Variants in RUBCN observed in about 807,000 individuals in gnomAD.
The protein encoded by RUBCN is rubicon autophagy regulator.
In RUBCN, 74 loss-of-function variants were observed where a neutral mutation model predicts 113.2. The ratio of observed to expected loss-of-function variants is 0.65; its 90% CI spans 0.54 to 0.79. The LOEUF (loss-of-function observed/expected upper bound fraction) is 0.79, where lower values mean the gene tolerates loss of function less well. Among genes scored for constraint, RUBCN ranks in the 30% least tolerant of loss-of-function variants. RUBCN has a pLI of 0.00. For missense variants in RUBCN, 1,109 were observed against 1,251.7 expected, an observed-to-expected ratio of 0.89 and a Z score of 1.72; for synonymous variants, 480 against 490.0, an observed-to-expected ratio of 0.98 and a Z score of 0.27.
chr3:197,728,288 G>C (rs1192800252), intron 1 of RUBCN, among the ~76,000 whole-genome samples: 1 of 152,232 alleles, frequency 6.6e-6, no homozygotes, highest in Non-Finnish European at 1.5e-5. Context: ...AGTCCTTGCA[G>C]TCCCCTCCTG....
chr3:197,688,425 GTCT>G (rs1180589175), intron 11 of RUBCN, among the ~76,000 whole-genome samples: 1 of 152,210 alleles, frequency 6.6e-6, no homozygotes, highest in Non-Finnish European at 1.5e-5. Context: ...ACTCTTGAGA[GTCT>G]TCTTTACTCC....
At chr3:197,686,672 C>G (rs1721888830) in intron 11 of RUBCN, among the ~76,000 whole-genome samples, 2 of 152,226 alleles carry the variant, frequency 1.3e-5, no homozygotes, top group Non-Finnish European at 1.5e-5. Flanking sequence ...AGCTGCCCAT[C>G]TGGATGGATT....
At chr3:197,738,089 G>T (rs1021962781), upstream of RUBCN, among the ~76,000 whole-genome samples, 2 of 152,202 alleles carry the variant, frequency 1.3e-5, no homozygotes, top group Non-Finnish European at 2.9e-5. Context: ...GCTAGGATCT[G>T]CATTTTTAAG....
intron 1 of RUBCN, among the ~76,000 whole-genome samples, chr3:197,726,005 G>T (rs921432801): frequency 2.6e-5 from 4 of 152,114 alleles, no homozygotes; most frequent in African/African-American, 9.7e-5. Flanking sequence ...CACCTGGAAT[G>T]CCTGTTCTCA....
At chr3:197,732,400 G>A (rs1015769980) in intron 1 of RUBCN, among the ~76,000 whole-genome samples, 6 of 152,128 alleles carry the variant, frequency 3.9e-5, no homozygotes, top group Non-Finnish European at 8.8e-5. Context: ...TGCAAGCTCC[G>A]CCTCCCGGGT....
chr3:197,740,792 T>TA (rs1454563522), upstream of RUBCN, among the ~76,000 whole-genome samples: 6 of 151,972 alleles, frequency 3.9e-5, no homozygotes, highest in Non-Finnish European at 7.4e-5. Context: ...AGTTAGTTTT[T>TA]ATATTTTTAG....
At position 197,704,569 on chromosome 3, in the gene RUBCN, T is replaced by C. The variant is rs1217324110; in HGVS notation, c.436A>G (p.Arg146Gly). 5.0e-6 allele frequency: 8 copies of C among 1,614,088 alleles called. No homozygotes were observed. The East Asian group carries it at 1.8e-4, about 36-fold the overall frequency. ...GTGTAGAATTTTCTGATATACTGTC[T>C]ATCCCCGAGCAGGGGCCGGAGCTGG... ...SAQLRPLLGD[R>G]QYIRKFYTDA... The change falls in exon 4 of 20, where the codon AGA becomes GGA. Residue 146 changes from arginine (R) to glycine (G), a missense_variant. Coordinates refer to ENST00000296343, the MANE Select transcript of RUBCN (RefSeq NM_014687.4).
intron 1 of RUBCN, among the ~76,000 whole-genome samples, chr3:197,746,506 A>C (rs1410587068): frequency 3.4e-4 from 52 of 152,338 alleles, no homozygotes; most frequent in Non-Finnish European, 1.2e-4. Flanking sequence ...TTAAAGTTTC[A>C]ACAGCTTTAA....
intron 2 of RUBCN, among the ~76,000 whole-genome samples, chr3:197,714,453 T>G (rs1018879660): frequency 6.6e-6 from 1 of 152,148 alleles, no homozygotes; most frequent in African/African-American, 2.4e-5. Context: ...CCGGAGTAGC[T>G]GAGTCTACAG....
intron 1 of RUBCN, among the ~76,000 whole-genome samples, chr3:197,745,755 A>G (rs911031772): frequency 1.3e-5 from 2 of 151,982 alleles, no homozygotes; most frequent in African/African-American, 4.8e-5. Context: ...TATGAGGTTG[A>G]GCTGGGCGCG....
At position 197,704,613 on chromosome 3, in the gene RUBCN, T is replaced by C. The variant is rs767197229; in HGVS notation, c.392A>G (p.Gln131Arg). 1.9e-6 allele frequency: 3 copies of C among 1,614,152 alleles called. No homozygotes were observed. The South Asian group carries it at 3.3e-5, about 18-fold the overall frequency. The change falls in exon 4 of 20, where the codon CAG (glutamine) becomes CGG (arginine). Residue 131 changes from glutamine to arginine, a missense_variant. By Grantham distance (43) the Gln-to-Arg change is conservative (BLOSUM62 1). Transcript: ENST00000296343. ...GAGCTGGGCTGAGAGGCAGTGGTAC[T>C]GCAGGCTGTGCTGCAGCCACAGCTC... Reference protein sequence around the residue: ...VAELWLQHSLQYHCLSAQLRP... With the variant: ...VAELWLQHSLRYHCLSAQLRP...
At chr3:197,733,348 G>A (rs1727738801) in intron 1 of RUBCN, among the ~76,000 whole-genome samples, 1 of 152,082 alleles carries the variant, frequency 6.6e-6, no homozygotes, top group South Asian at 2.1e-4. Context: ...TGGGAGTGGT[G>A]GCACACACCT....
intron 2 of RUBCN, among the ~76,000 whole-genome samples, chr3:197,717,359 C>G (rs1176853124): frequency 1.3e-5 from 2 of 150,452 alleles, no homozygotes; most frequent in Admixed American, 6.6e-5. Context: ...CAGGAGAATG[C>G]TGTGAACCCG....
intron 13 of RUBCN, 56 bp from the exon 14 acceptor site, chr3:197,682,671 T>C (rs75643488): frequency 0.089 from 143,034 of 1,602,886 alleles, 6,860 homozygotes; most frequent in African/African-American, 0.12. Flanking sequence ...GCCCGTCATC[T>C]GGTGAGATGG....
Position 197,694,361 on chromosome 3 carries a change from C to T in RUBCN, c.1684+14G>A, listed in dbSNP as rs1466593163. Reference sequence around the variant, plus strand: ...GAAAATGTGGGAACAGAAGCATCCACAGGCTCCACTGACTTCCGTGCTCAG... The same window carrying T: ...GAAAATGTGGGAACAGAAGCATCCATAGGCTCCACTGACTTCCGTGCTCAG... On this transcript the variant is annotated intron_variant, in intron 10 of 19. Transcript: ENST00000296343. 14 of 1,613,088 alleles carry T rather than the reference C, an allele frequency of 8.7e-6. No homozygotes were observed. The highest frequency in any genetic ancestry group is 1.2e-5 in the Non-Finnish European group (14 of 1,179,022).
intron 2 of RUBCN, among the ~76,000 whole-genome samples, chr3:197,709,244 A>G (rs1240033968): frequency 6.6e-6 from 1 of 152,196 alleles, no homozygotes; most frequent in Non-Finnish European, 1.5e-5. Context: ...TTATCGAAAA[A>G]TGGTGTGGAG....
Position 197,726,493 on chromosome 3 carries a change from G to A in RUBCN, c.66-8363C>T, listed in dbSNP as rs547389112. 2.4e-4 allele frequency among the ~76,000 whole-genome samples: 36 copies of A among 151,360 alleles called. No individual in the cohort carries two copies. In the South Asian group the frequency reaches 6.9e-3, roughly 29 times the overall value. On this transcript the variant is annotated intron_variant, in intron 1 of 19. Coordinates refer to ENST00000296343, the MANE Select transcript of RUBCN (RefSeq NM_014687.4). ...GATCTCCTGACCTCGTGATCCACCC[G>A]CCTCGACCTCCCAAAGTGCTGGGAT...
chr3:197,681,477 C>T lies in RUBCN; in HGVS notation c.2192-110G>A. The T allele has an allele frequency of 2.5e-6, 2 of 805,924 alleles. No individual in the cohort carries two copies. The highest frequency in any genetic ancestry group is 2.1e-6 in the Non-Finnish European group (1 of 473,220). The allele number at this position is 805,924 out of a possible 1,614,324, so 49.9% of individuals were successfully genotyped here. A position where few individuals can be genotyped will look rare whatever the true frequency, so the allele number is the denominator to read the frequency against. On this transcript the variant is annotated intron_variant, in intron 15 of 19. Coordinates refer to ENST00000296343, the MANE Select transcript of RUBCN (RefSeq NM_014687.4). The surrounding 1 kb of genome is among the most constrained non-coding windows in gnomAD (Gnocchi z 5.5). Reference sequence around the variant, plus strand: ...GCAGAGAGGGACAGCCAATGGCCTCCAGCAACCTCTGTCTGAGTTCCCCAA... The same window carrying T: ...GCAGAGAGGGACAGCCAATGGCCTCTAGCAACCTCTGTCTGAGTTCCCCAA...
intron 1 of RUBCN, among the ~76,000 whole-genome samples, chr3:197,728,845 G>C (rs1290382770): frequency 6.6e-6 from 1 of 152,200 alleles, no homozygotes; most frequent in Non-Finnish European, 1.5e-5. Context: ...ACGACTAAGA[G>C]CTCTCCAGGC....
Sources: allele counts gnomAD v4.1 joint callset (sites outside exome capture counted in the v4.1 genomes callset), GRCh38; gene constraint gnomAD v4.1.1; non-coding constraint Gnocchi (gnomAD v3.1); transcripts MANE v1.5; gene names NCBI Gene and HGNC (gene_info 2026-07-23, HGNC 2026-07-21).